The following TMC7 variants were observed in gnomAD, a reference collection of about 807,000 sequenced individuals.
TMC7 encodes transmembrane channel like 7.
Under a neutral mutation model 82.9 loss-of-function variants are expected in TMC7, and 54 were observed. The ratio of observed to expected loss-of-function variants is 0.65; its 90% CI spans 0.52 to 0.82. TMC7 has a LOEUF of 0.82. Among genes scored for constraint, TMC7 ranks in the 40% least tolerant of loss-of-function variants. TMC7 has a pLI of 0.00. For missense variants in TMC7, 820 were observed against 901.2 expected (o/e 0.91, Z 1.15); for synonymous variants, 350 against 337.9 (o/e 1.04, Z -0.39).
intron 3 of TMC7, among the ~76,000 whole-genome samples, chr16:19,018,116 T>C (rs1959792119): frequency 6.6e-6 from 1 of 152,168 alleles, no homozygotes; most frequent in East Asian, 1.9e-4. Context: ...CCAGCCTGGG[T>C]AACAGAGCCA....
At chr16:18,997,195 A>G (rs189508911) in intron 1 of TMC7, among the ~76,000 whole-genome samples, 2 of 152,338 alleles carry the variant, frequency 1.3e-5, no homozygotes, top group Admixed American at 1.3e-4. Context: ...TTTTGGCATC[A>G]AATGTCTCAC....
intron 6 of TMC7, among the ~76,000 whole-genome samples, chr16:19,032,642 T>C (rs1960569651): frequency 6.6e-6 from 1 of 152,114 alleles, no homozygotes; most frequent in Non-Finnish European, 1.5e-5. Flanking sequence ...TTGTTTTTGT[T>C]TTTCAAGACG....
chr16:19,005,068 A>T (rs1169691545), intron 1 of TMC7, among the ~76,000 whole-genome samples: 6 of 130,784 alleles, frequency 4.6e-5, no homozygotes, highest in Non-Finnish European at 9.5e-5. Flanking sequence ...TTATTTATTT[A>T]TTTATTTATT....
intron 1 of TMC7, among the ~76,000 whole-genome samples, chr16:18,997,398 C>T (rs2039061704): frequency 6.6e-6 from 1 of 152,128 alleles, no homozygotes; most frequent in Non-Finnish European, 1.5e-5. Context: ...GAGACAGGGT[C>T]TCACTCTGTC....
chr16:19,030,648 G>A (rs756816616), intron 6 of TMC7, among the ~76,000 whole-genome samples: 32 of 150,936 alleles, frequency 2.1e-4, no homozygotes, highest in Admixed American at 8.6e-4. Context: ...GCGGGATCTC[G>A]GCTCACTGCA....
rs760020258 is a variant in TMC7 at position 19,023,111 on chromosome 16, A to T, written c.629-2A>T. On this transcript the variant is annotated splice_acceptor_variant, in intron 4 of 15. Coordinates refer to ENST00000304381, the MANE Select transcript of TMC7 (RefSeq NM_024847.4). LOFTEE classifies it high-confidence loss of function. ...TGACATTCTGGTTTTTGTTTCTTAC[A>T]GATAAACAATGTACAGTCTATCCAG... is the stretch of plus-strand genomic sequence containing the variant. 6.3e-7 allele frequency: 1 copy of T among 1,587,112 alleles called. No individual in the cohort carries two copies.
intron 3 of TMC7, among the ~76,000 whole-genome samples, chr16:19,020,894 G>T (rs1959940171): frequency 8.8e-6 from 1 of 113,608 alleles, no homozygotes; most frequent in Non-Finnish European, 2.0e-5. Flanking sequence ...ATAAATAAAA[G>T]CCAGATATCT....
Position 18,985,208 on chromosome 16 carries a change from G to A in TMC7, c.67+1078G>A, listed in dbSNP as rs1360534336. ...CGGGAGGCGGAGGTTGCAGTGAGCCGAGATTGCGCCACTGCACTCCAGCCT... is the reference window on the plus strand; with the variant it reads ...CGGGAGGCGGAGGTTGCAGTGAGCCAAGATTGCGCCACTGCACTCCAGCCT... On this transcript the variant is annotated intron_variant, in intron 1 of 15. Transcript: ENST00000304381. Among the ~76,000 whole-genome samples the A allele has an allele frequency of 4.6e-5, 7 of 151,232 alleles. No homozygotes were observed. In the East Asian group the frequency reaches 1.2e-3, roughly 25 times the overall value.
At chr16:19,056,961 CA>C (rs74469755) in intron 14 of TMC7, among the ~76,000 whole-genome samples, 953 of 79,986 alleles carry the variant, frequency 0.012, 10 homozygotes, top group African/African-American at 0.032. Flanking sequence ...CCCGACTCTA[CA>C]AAAAAATAAA....
intron 9 of TMC7, among the ~76,000 whole-genome samples, chr16:19,043,994 G>C (rs1961142375): frequency 6.6e-6 from 1 of 151,682 alleles, no homozygotes; most frequent in Non-Finnish European, 1.5e-5. Flanking sequence ...CACAGCCTCT[G>C]AACTAGCTGG....
At chr16:19,008,781 C>T (rs118067348) in intron 1 of TMC7, among the ~76,000 whole-genome samples, 333 of 152,232 alleles carry the variant, frequency 2.2e-3, no homozygotes, top group Non-Finnish European at 3.5e-3. Context: ...TTATTGAATA[C>T]ATTACTATAC....
chr16:19,048,622 T>C (rs1961394299), intron 12 of TMC7, among the ~76,000 whole-genome samples: 2 of 152,064 alleles, frequency 1.3e-5, no homozygotes, highest in Non-Finnish European at 2.9e-5. Flanking sequence ...AGTTTCTCCA[T>C]GTTGGTCAGG....
chr16:19,011,097 GGGTT>G (rs1391165434), intron 2 of TMC7, among the ~76,000 whole-genome samples: 1 of 152,094 alleles, frequency 6.6e-6, no homozygotes, highest in Non-Finnish European at 1.5e-5. Flanking sequence ...TTTTGGGAGT[GGGTT>G]AAGAGCCAAG....
chr16:19,016,400 G>A (rs1424186761), intron 2 of TMC7, 50 bp from the exon 3 acceptor site: 1 of 1,609,630 alleles, frequency 6.2e-7, no homozygotes, highest in African/African-American at 1.3e-5. Flanking sequence ...GGGATGCTGA[G>A]TCTTGATGCT....
intron 1 of TMC7, among the ~76,000 whole-genome samples, 182 bp from the exon 2 acceptor site, chr16:19,008,990 C>T (rs998434980): frequency 1.3e-5 from 2 of 152,188 alleles, no homozygotes; most frequent in African/African-American, 2.4e-5. Context: ...GCGAGCCCAT[C>T]TGCAGATGAT....
At chr16:19,017,360 G>T (rs187668648) in intron 3 of TMC7, among the ~76,000 whole-genome samples, 11 of 147,924 alleles carry the variant, frequency 7.4e-5, no homozygotes, top group Middle Eastern at 3.6e-3. Context: ...TAAATTAAAT[G>T]CATAAAATAG....
chr16:18,986,622 G>A (rs1204971752), intron 1 of TMC7, among the ~76,000 whole-genome samples: 1 of 152,020 alleles, frequency 6.6e-6, no homozygotes, highest in Admixed American at 6.6e-5. Flanking sequence ...CTCTTCCATC[G>A]CAACCAACAG....
chr16:19,008,688 C>T (rs1364904829), intron 1 of TMC7, among the ~76,000 whole-genome samples: 1 of 152,144 alleles, frequency 6.6e-6, no homozygotes, highest in Non-Finnish European at 1.5e-5. Flanking sequence ...AACACCATGC[C>T]TGACACACAG....
intron 9 of TMC7, among the ~76,000 whole-genome samples, chr16:19,043,386 T>C (rs1567524446): frequency 6.6e-6 from 1 of 152,086 alleles, no homozygotes; most frequent in East Asian, 1.9e-4. Flanking sequence ...TCTGATCTTT[T>C]AAAAAAATTG....
Sources: allele counts gnomAD v4.1 joint callset (sites outside exome capture counted in the v4.1 genomes callset), GRCh38; gene constraint gnomAD v4.1.1; transcripts MANE v1.5; gene names NCBI Gene and HGNC (gene_info 2026-07-23, HGNC 2026-07-21).